Variants in ALG12 observed in about 807,000 individuals in gnomAD.
ALG12 encodes the protein dol-P-Man:Man(7)GlcNAc(2)-PP-Dol alpha-1,6-mannosyltransferase.
Under a neutral mutation model 46.0 loss-of-function variants are expected in ALG12, and 36 were observed. The ratio of observed to expected loss-of-function variants is 0.78; its 90% CI spans 0.60 to 1.03. ALG12 has a LOEUF of 1.03. Among genes scored for constraint, ALG12 ranks in the 50% least tolerant of loss-of-function variants. The probability of loss-of-function intolerance (pLI) is 0.00; values close to 1 mark genes in which losing one functional copy is unlikely to be tolerated. For missense variants in ALG12, 599 were observed against 633.5 expected, an observed-to-expected ratio of 0.95 and a Z score of 0.58; for synonymous variants, 326 against 291.6, an observed-to-expected ratio of 1.12 and a Z score of -1.20.
the ALG12 span, among the ~76,000 whole-genome samples, chr22:49,880,904 AGT>A: frequency 1.3e-5 from 2 of 152,206 alleles, no homozygotes; most frequent in East Asian, 3.8e-4. Flanking sequence ...TAATTTCAGC[AGT>A]GTTTTGCAGC....
chr22:49,881,221 C>T, the ALG12 span, among the ~76,000 whole-genome samples: 11 of 152,216 alleles, frequency 7.2e-5, no homozygotes, highest in Non-Finnish European at 8.8e-5. Flanking sequence ...TCATGGCACA[C>T]GCCTGTAATC....
intron 5 of ALG12, 25 bp downstream of exon 5, chr22:49,909,866 TAGA>T (rs1274710551): frequency 6.2e-7 from 1 of 1,613,874 alleles, no homozygotes; most frequent in Non-Finnish European, 8.5e-7. Context: ...AAAATCCAGT[TAGA>T]AGCATCCCAC....
In ALG12 at chr22:49,903,680, G is replaced by T; in HGVS notation, c.*158C>A. 1 of 841,002 alleles carries T rather than the reference G, an allele frequency of 1.2e-6. No homozygotes were observed. Among genetic ancestry groups the T allele is most frequent in the Non-Finnish European group, 2.0e-6 (1 of 510,618 alleles). The allele number at this position is 841,002 out of a possible 1,614,324, so 52.1% of individuals were successfully genotyped here. A position where few individuals can be genotyped will look rare whatever the true frequency, so the allele number is the denominator to read the frequency against. ...TGAGAGCCCCAGCTGAGGCTGTGGA[G>T]GAGGCCCTGGACCTGGTCTGGTGTC... On this transcript the variant is annotated 3_prime_UTR_variant, in exon 10 of 10. Coordinates refer to ENST00000330817, the MANE Select transcript of ALG12 (RefSeq NM_024105.4).
rs2060537121 is a variant in ALG12 at position 49,905,378 on chromosome 22, T to A, written c.993-872A>T. Among the ~76,000 whole-genome samples, 1 of 152,216 alleles carries A rather than the reference T, an allele frequency of 6.6e-6. No individual in the cohort carries two copies. The highest frequency in any genetic ancestry group is 2.4e-5 in the African/African-American group (1 of 41,528). Reference sequence around the variant, plus strand: ...CCACAGGCCCTGCCCTTTGCTATGGTTTGGATCTGCGTCCCCACCAAATCT... The same window carrying A: ...CCACAGGCCCTGCCCTTTGCTATGGATTGGATCTGCGTCCCCACCAAATCT... On this transcript the variant is annotated intron_variant, in intron 7 of 9. Coordinates refer to ENST00000330817, the MANE Select transcript of ALG12 (RefSeq NM_024105.4). This position sits in a 1 kb window ranked among gnomAD's most constrained non-coding sequence, Gnocchi z 4.9.
the ALG12 span, among the ~76,000 whole-genome samples, chr22:49,875,190 G>A: frequency 6.6e-6 from 1 of 151,818 alleles, no homozygotes; most frequent in African/African-American, 2.4e-5. Context: ...AAAGAATTGG[G>A]AGGTGTTTCT....
chr22:49,916,811 C>T (rs770752523), intron 1 of ALG12, among the ~76,000 whole-genome samples: 2 of 152,192 alleles, frequency 1.3e-5, no homozygotes, highest in South Asian at 2.1e-4. Flanking sequence ...TAAAACGGAA[C>T]GGGGAGCATC....
chr22:49,916,939 G>A (rs1292957642), intron 1 of ALG12, among the ~76,000 whole-genome samples: 4 of 152,226 alleles, frequency 2.6e-5, no homozygotes, highest in Non-Finnish European at 5.9e-5. Flanking sequence ...CAGCTGTGGG[G>A]TGAAAACATT....
chr22:49,913,398 G>A lies in ALG12; in HGVS notation c.282C>T (p.Tyr94=), dbSNP rs1291129927. Residue 94 remains tyrosine (Y), a synonymous_variant, in exon 3 of 10, where the codon TAC becomes TAT. Transcript: ENST00000330817. Reference sequence around the variant, plus strand: ...AGACCCCCTTACCTATTAGCTGAGAGTAAAACTTGGACATTTCTAACAGCG... The same window carrying A: ...AGACCCCCTTACCTATTAGCTGAGAATAAAACTTGGACATTTCTAACAGCG... The part of the protein sequence containing the change: ...VLSLLEMSKF[Y]SQLIVRGVLG... 8 of 1,613,922 alleles carry A rather than the reference G, an allele frequency of 5.0e-6. No homozygotes were observed. Among genetic ancestry groups the A allele is most frequent in the Non-Finnish European group, 6.8e-6 (8 of 1,180,036 alleles).
the ALG12 span, among the ~76,000 whole-genome samples, chr22:49,859,317 A>G: frequency 1.3e-5 from 2 of 152,096 alleles, no homozygotes; most frequent in Non-Finnish European, 2.9e-5. Context: ...TTCCTTGAGT[A>G]TCAAGGTGGA....
At chr22:49,899,896 C>T (rs1020712637), downstream of ALG12, among the ~76,000 whole-genome samples, 1 of 152,096 alleles carries the variant, frequency 6.6e-6, no homozygotes, top group Admixed American at 6.6e-5. Context: ...TGGAAGCTCA[C>T]ACCTGTCATC....
Position 49,907,765 on chromosome 22 carries a change from G to A in ALG12, c.948C>T (p.Ala316=), listed in dbSNP as rs1195030751. Residue 316 remains alanine (A), a synonymous_variant, in exon 7 of 10, where the codon GCC becomes GCT. Coordinates refer to ENST00000330817, the MANE Select transcript of ALG12 (RefSeq NM_024105.4). Reference sequence around the variant, plus strand: ...CAGCCGTGATGTTGAGCATGGGGAAGGCATAGATGATGAAGCGTAGCTCCT... The same window carrying A: ...CAGCCGTGATGTTGAGCATGGGGAAAGCATAGATGATGAAGCGTAGCTCCT... ...PHKELRFIIY[A]FPMLNITAAR... is the part of the protein sequence containing the mutation. The A allele has an allele frequency of 1.9e-6, 3 of 1,614,036 alleles. No individual in the cohort carries two copies. Among genetic ancestry groups the A allele is most frequent in the African/African-American group, 1.3e-5 (1 of 74,926 alleles).
In ALG12 at chr22:49,903,033, G is replaced by C; in HGVS notation, c.*805C>G. 2.9e-6 allele frequency: 1 copy of C among 348,662 alleles called. No individual in the cohort carries two copies. Among genetic ancestry groups the C allele is most frequent in the South Asian group, 2.2e-5 (1 of 46,398 alleles). 21.6% of individuals were successfully genotyped at this position (348,662 alleles called of 1,614,324 possible). On this transcript the variant is annotated 3_prime_UTR_variant, in exon 10 of 10. Coordinates refer to ENST00000330817, the MANE Select transcript of ALG12 (RefSeq NM_024105.4). The stretch of plus-strand genomic sequence containing the variant: ...ATGGTGTGTGCATACGTGTGCAGCA[G>C]CACCTGGTCCCATCTCCAGTGCCCA...
chr22:49,913,581 C>A, intron 2 of ALG12, 23 bp downstream of exon 2: 7 of 1,613,978 alleles, frequency 4.3e-6, no homozygotes, highest in African/African-American at 1.3e-5. Context: ...AGGTTTTCCC[C>A]AAAGACAGCA....
At position 49,903,517 on chromosome 22, in the gene ALG12, CCCGCT is replaced by C; in HGVS notation, c.*316_*320del. 1 of 533,750 alleles carries C rather than the reference CCCGCT, an allele frequency of 1.9e-6. No homozygotes were observed. 33.1% of individuals were successfully genotyped at this position (533,750 alleles called of 1,614,324 possible). ...CCTGGCAGACAGGTGCCTGGGTGAG[CCCGCT>C]GCTCCTGATTAGTCATGAATGGCAC... On this transcript the variant is annotated 3_prime_UTR_variant, in exon 10 of 10. Coordinates refer to ENST00000330817, the MANE Select transcript of ALG12 (RefSeq NM_024105.4).
At chr22:49,883,503 T>G in the ALG12 span, 6 of 1,046,610 alleles carry the variant, frequency 5.7e-6, no homozygotes, top group Non-Finnish European at 7.9e-6. Context: ...CACAGATTCT[T>G]TTTTTCAGTA....
At chr22:49,874,388 ATT>A in the ALG12 span, among the ~76,000 whole-genome samples, 83 of 143,104 alleles carry the variant, frequency 5.8e-4, 1 homozygote, top group African/African-American at 1.6e-3. Context: ...TATTGTTTTA[ATT>A]TTTTTTTTTT....
intron 3 of ALG12, among the ~76,000 whole-genome samples, 187 bp downstream of exon 3, chr22:49,913,198 A>G: frequency 6.6e-6 from 1 of 152,218 alleles, no homozygotes; most frequent in East Asian, 1.9e-4. Flanking sequence ...GTGGAGGCAC[A>G]GAGGGGCTGA....
rs748460466 is a variant in ALG12, at chr22:49,910,469, G to C, written c.434C>G (p.Thr145Arg). ...GGCCAGCACATTGGGCAGTGTCCGC[G>C]TGCAGTAGAACATCAGGTGGAACTG... ...AMQFHLMFYC[T>R]RTLPNVLALP... The change falls in exon 4 of 10, where the codon ACG becomes AGG. Residue 145 changes from threonine (T) to arginine (R), a missense_variant. Thr to Arg is a moderately conservative substitution (Grantham distance 71). Transcript: ENST00000330817. 2 of 1,613,658 alleles carry C rather than the reference G, an allele frequency of 1.2e-6. No individual in the cohort carries two copies. Among genetic ancestry groups the C allele is most frequent in the African/African-American group, 2.7e-5 (2 of 74,938 alleles).
rs1350486857 is a variant in ALG12 at position 49,909,789 on chromosome 22, G to A, written c.664+105C>T. Reference sequence around the variant, plus strand: ...TGTTTTCAACACTGCTAAATTTAGGGTCATTTTATTTCATGGGGATGAAAA... The same window carrying A: ...TGTTTTCAACACTGCTAAATTTAGGATCATTTTATTTCATGGGGATGAAAA... On this transcript the variant is annotated intron_variant, in intron 5 of 9. Coordinates refer to ENST00000330817, the MANE Select transcript of ALG12 (RefSeq NM_024105.4). The A allele has an allele frequency of 3.4e-6, 5 of 1,465,080 alleles. No homozygotes were observed. In the South Asian group the frequency reaches 3.6e-5, roughly 10 times the overall value. 90.8% of individuals were successfully genotyped at this position (1,465,080 alleles called of 1,614,324 possible). A position where few individuals can be genotyped will look rare whatever the true frequency, so the allele number is the denominator to read the frequency against.
Sources: gnomAD v4.1 joint callset for allele counts (sites outside exome capture counted in the v4.1 genomes callset) on GRCh38, gnomAD v4.1.1 for gene constraint, Gnocchi (gnomAD v3.1) non-coding constraint, MANE v1.5 for transcripts, NCBI Gene and HGNC (gene_info 2026-07-23, HGNC 2026-07-21) for gene names.